Variants in THEMIS observed in about 807,000 individuals in gnomAD.
The protein encoded by THEMIS is thymocyte selection associated, also known as protein THEMIS.
Under a neutral mutation model 52.6 loss-of-function variants are expected in THEMIS, and 37 were observed. The observed-to-expected ratio is 0.70, with a 90% CI of 0.54 to 0.93. The LOEUF is 0.93. Among genes scored for constraint, THEMIS ranks in the 40% least tolerant of loss-of-function variants. The pLI, the probability that THEMIS is intolerant of heterozygous loss-of-function variation, is 0.00. For synonymous variants in THEMIS, 292 were observed against 272.7 expected (o/e 1.07, Z -0.70); for missense variants, 808 against 763.1 (o/e 1.06, Z -0.69).
intron 4 of THEMIS, among the ~76,000 whole-genome samples, chr6:127,805,678 G>A (rs1254428710): frequency 6.6e-6 from 1 of 151,910 alleles, no homozygotes; most frequent in African/African-American, 2.4e-5. Context: ...TTTGGTTTGG[G>A]AAGCAAAGCA....
chr6:127,880,832 C>T (rs759884554), intron 1 of THEMIS, among the ~76,000 whole-genome samples: 1 of 151,898 alleles, frequency 6.6e-6, no homozygotes, highest in African/African-American at 2.4e-5. Context: ...AAAATAACAA[C>T]AAAAAAGTAT....
chr6:127,915,212 A>G (rs911523977), intron 1 of THEMIS, among the ~76,000 whole-genome samples: 2 of 150,470 alleles, frequency 1.3e-5, no homozygotes, highest in African/African-American at 4.9e-5. Flanking sequence ...TTGAAAACAG[A>G]CATAGAAGCA....
intron 4 of THEMIS, among the ~76,000 whole-genome samples, chr6:127,722,098 G>T (rs1006141701): frequency 6.6e-6 from 1 of 151,958 alleles, no homozygotes; most frequent in Admixed American, 6.6e-5. Flanking sequence ...CAAACCTCTG[G>T]CACACTGGAC....
chr6:127,714,976 T>C (rs897486711), intron 5 of THEMIS, among the ~76,000 whole-genome samples: 1 of 151,848 alleles, frequency 6.6e-6, no homozygotes, highest in Non-Finnish European at 1.5e-5. Context: ...AATTAATCTC[T>C]AGGGAAGAAG....
At chr6:127,727,934 A>G (rs1774608940) in intron 4 of THEMIS, among the ~76,000 whole-genome samples, 1 of 151,902 alleles carries the variant, frequency 6.6e-6, no homozygotes. Flanking sequence ...TCTATTTCTG[A>G]TCCCTCTTTT....
intron 1 of THEMIS, among the ~76,000 whole-genome samples, chr6:127,867,978 C>T (rs6907718): frequency 0.049 from 7,467 of 152,000 alleles, 205 homozygotes; most frequent in African/African-American, 0.069. Flanking sequence ...AGGCATTTAA[C>T]TAGTTAAAAG....
chr6:127,860,967 G>C (rs1027146152), intron 1 of THEMIS, among the ~76,000 whole-genome samples: 2 of 152,134 alleles, frequency 1.3e-5, no homozygotes, highest in Admixed American at 6.6e-5. Flanking sequence ...AGAGCAAAGG[G>C]ATTTGAGGGT....
intron 4 of THEMIS, among the ~76,000 whole-genome samples, chr6:127,812,016 G>A (rs1286828396): frequency 6.6e-6 from 1 of 152,150 alleles, no homozygotes; most frequent in South Asian, 2.1e-4. Context: ...TAAGCATAGA[G>A]AGTAAACACA....
chr6:127,813,603 C>T lies in THEMIS; in HGVS notation c.1038G>A (p.Pro346=), dbSNP rs137929687. 294 of 1,614,086 alleles carry T rather than the reference C, an allele frequency of 1.8e-4. No homozygotes were observed. The highest frequency in any genetic ancestry group is 2.3e-4 in the Non-Finnish European group (268 of 1,180,002). ...GGTCATAGGCCGTTGGGAACTCCCT[C>T]GGTCGCCGCTTGAACTTGCCTTTAT... ...TSYKGKFKRR[P]REFPTAYDLE... is the part of the protein sequence containing the mutation. The change falls in exon 4 of 6, where the codon CCG becomes CCA. Residue 346 remains proline, a synonymous_variant. Transcript: ENST00000368248.
intron 1 of THEMIS, among the ~76,000 whole-genome samples, chr6:127,866,786 C>T (rs933386345): frequency 6.6e-6 from 1 of 151,604 alleles, no homozygotes; most frequent in Non-Finnish European, 1.5e-5. Flanking sequence ...AAAGAAATAA[C>T]CAATAAAAGC....
At chr6:127,805,452 T>C (rs1777669850) in intron 4 of THEMIS, among the ~76,000 whole-genome samples, 1 of 152,104 alleles carries the variant, frequency 6.6e-6, no homozygotes, top group African/African-American at 2.4e-5. Flanking sequence ...TCTTTGTCTA[T>C]GAATTTTTAA....
intron 4 of THEMIS, among the ~76,000 whole-genome samples, chr6:127,722,264 C>T (rs1774387533): frequency 1.3e-5 from 2 of 151,978 alleles, no homozygotes; most frequent in South Asian, 4.1e-4. Context: ...CAGGTCCTAA[C>T]GTAAAGGGAG....
intron 5 of THEMIS, among the ~76,000 whole-genome samples, chr6:127,718,795 T>C (rs550796698): frequency 6.6e-6 from 1 of 152,022 alleles, no homozygotes; most frequent in East Asian, 1.9e-4. Context: ...AATGAAAAGG[T>C]AATAAGAAAA....
intron 4 of THEMIS, among the ~76,000 whole-genome samples, chr6:127,800,984 C>T (rs1267859401): frequency 6.6e-6 from 1 of 152,056 alleles, no homozygotes; most frequent in African/African-American, 2.4e-5. Flanking sequence ...GAAGTTCTTT[C>T]GTTGGTTTTG....
At chr6:127,793,826 T>A (rs1380281819) in intron 4 of THEMIS, among the ~76,000 whole-genome samples, 1 of 152,230 alleles carries the variant, frequency 6.6e-6, no homozygotes, top group Non-Finnish European at 1.5e-5. Flanking sequence ...CCTCATTTTA[T>A]AAGCAAGGAC....
At chr6:127,719,916 A>G in intron 4 of THEMIS, 93 bp from the exon 5 acceptor site, 1 of 1,480,606 alleles carries the variant, frequency 6.8e-7, no homozygotes, top group Non-Finnish European at 9.2e-7. Context: ...TCATTTCTGT[A>G]TGTCTGAAAC....
intron 5 of THEMIS, among the ~76,000 whole-genome samples, chr6:127,712,888 A>G (rs964792568): frequency 6.6e-6 from 1 of 151,928 alleles, no homozygotes; most frequent in Admixed American, 6.6e-5. Flanking sequence ...GTTATATTTT[A>G]GAGGAATCAA....
intron 4 of THEMIS, among the ~76,000 whole-genome samples, chr6:127,764,228 T>C (rs1776117703): frequency 6.6e-6 from 1 of 151,978 alleles, no homozygotes; most frequent in Non-Finnish European, 1.5e-5. Context: ...AGAGACTAAA[T>C]AAGGTGAAAC....
intron 4 of THEMIS, among the ~76,000 whole-genome samples, chr6:127,810,260 T>C (rs767175409): frequency 2.6e-5 from 4 of 152,120 alleles, no homozygotes; most frequent in Non-Finnish European, 5.9e-5. Context: ...TATTTGTATC[T>C]CCATATCTTC....
Sources: gnomAD v4.1 joint callset for allele counts (sites outside exome capture counted in the v4.1 genomes callset) on GRCh38, gnomAD v4.1.1 for gene constraint, MANE v1.5 for transcripts, NCBI Gene and HGNC (gene_info 2026-07-23, HGNC 2026-07-21) for gene names.